Variants in MSRB3 observed in about 807,000 individuals in gnomAD.
MSRB3 encodes the protein methionine sulfoxide reductase B3.
In MSRB3, 13 loss-of-function variants were observed where a neutral mutation model predicts 21.0. That is an observed-to-expected ratio of 0.62 (90% confidence interval 0.40 to 0.98). The LOEUF is 0.98. Among genes scored for constraint, MSRB3 ranks in the 50% least tolerant of loss-of-function variants. The probability of loss-of-function intolerance (pLI) is 0.00; values close to 1 mark genes in which losing one functional copy is unlikely to be tolerated. For missense variants in MSRB3, 199 were observed against 230.3 expected (o/e 0.86, Z 0.88); for synonymous variants, 87 against 88.6 (o/e 0.98, Z 0.10).
At chr12:65,298,758 C>T (rs1164579042) in intron 1 of MSRB3, among the ~76,000 whole-genome samples, 1 of 152,024 alleles carries the variant, frequency 6.6e-6, no homozygotes, top group Non-Finnish European at 1.5e-5. Flanking sequence ...TTGTAATTTC[C>T]AGTGCTAAAA....
Position 65,419,464 on chromosome 12 carries a change from C to A in MSRB3, c.293-34264C>A, listed in dbSNP as rs1592619380. The A allele has an allele frequency of 1.5e-5, 11 of 745,134 alleles. No homozygotes were observed. In the East Asian group the frequency reaches 2.5e-4, roughly 17 times the overall value. The allele number at this position is 745,134 out of a possible 1,614,324, so 46.2% of individuals were successfully genotyped here. On this transcript the variant is annotated intron_variant, in intron 5 of 6. Coordinates refer to ENST00000308259, the MANE Select transcript of MSRB3 (RefSeq NM_001031679.3). ...GACACTGGTGTCATCAATGACCTTG[C>A]AGAGCCCATAGATGTCGCTCTCCAC...
intron 1 of MSRB3, among the ~76,000 whole-genome samples, chr12:65,303,021 C>CT (rs11301128): frequency 6.6e-5 from 10 of 151,196 alleles, no homozygotes; most frequent in African/African-American, 1.9e-4. Context: ...GGCTTTGAGC[C>CT]TTTTTTTTTG....
intron 5 of MSRB3, among the ~76,000 whole-genome samples, chr12:65,434,651 A>G (rs1298644469): frequency 6.6e-6 from 1 of 151,892 alleles, no homozygotes; most frequent in East Asian, 1.9e-4. Context: ...GGAGCTTGGC[A>G]TATGGATGCA....
intron 5 of MSRB3, among the ~76,000 whole-genome samples, chr12:65,391,636 T>G (rs1192695320): frequency 6.6e-6 from 1 of 152,204 alleles, no homozygotes; most frequent in Non-Finnish European, 1.5e-5. Context: ...GAATAGCTTG[T>G]TTTTCAAAAG....
chr12:65,453,986 G>T (rs1882977462), intron 6 of MSRB3, 161 bp downstream of exon 6: 2 of 711,288 alleles, frequency 2.8e-6, no homozygotes, highest in African/African-American at 3.5e-5. Flanking sequence ...TGTTTAGCAA[G>T]TCTAGTGGAA....
Position 65,427,799 on chromosome 12 carries a change from G to A in MSRB3, c.293-25929G>A, listed in dbSNP as rs570749512. 5.3e-5 allele frequency among the ~76,000 whole-genome samples: 8 copies of A among 152,340 alleles called. No individual in the cohort carries two copies. In the South Asian group the frequency reaches 1.7e-3, roughly 32 times the overall value. On this transcript the variant is annotated intron_variant, in intron 5 of 6. Coordinates refer to ENST00000308259, the MANE Select transcript of MSRB3 (RefSeq NM_001031679.3). ...TAGTTACAGTGGTTTTGGAGTCAGA[G>A]CAGGGCCTAGCTCACTGTGGTGGCT... is the stretch of plus-strand genomic sequence containing the variant.
At chr12:65,397,915 A>G (rs958441335) in intron 5 of MSRB3, among the ~76,000 whole-genome samples, 1 of 152,140 alleles carries the variant, frequency 6.6e-6, no homozygotes, top group Non-Finnish European at 1.5e-5. Context: ...AGCTTCATCC[A>G]TGTCCCTGCA....
At position 65,422,406 on chromosome 12, in the gene MSRB3, ATATATATATATATATATATATATATT is replaced by A. The variant is rs1288811278; in HGVS notation, c.293-31318_293-31293del. Among the ~76,000 whole-genome samples, 97 of 35,080 alleles carry A rather than the reference ATATATATATATATATATATATATATT, an allele frequency of 2.8e-3. 2 individuals are homozygous for A. Among genetic ancestry groups the A allele is most frequent in the African/African-American group, 6.9e-3 (91 of 13,148 alleles). The allele number at this position is 35,080 out of a possible 152,430, so 23.0% of individuals were successfully genotyped here. A position where few individuals can be genotyped will look rare whatever the true frequency, so the allele number is the denominator to read the frequency against. On this transcript the variant is annotated intron_variant, in intron 5 of 6. Coordinates refer to ENST00000308259, the MANE Select transcript of MSRB3 (RefSeq NM_001031679.3). ...GTACATAGTATATATATATATATATATATATATATATATATATATATATATTTATTTATTTATTTATGGGGTATATG... is the reference window on the plus strand; with the variant it reads ...GTACATAGTATATATATATATATATATATTTATTTATTTATGGGGTATATG...
chr12:65,412,232 A>C (rs1044111584), intron 5 of MSRB3, among the ~76,000 whole-genome samples: 1 of 139,624 alleles, frequency 7.2e-6, no homozygotes, highest in African/African-American at 3.4e-5. Context: ...GAAGCTATTA[A>C]AAAAATTAAG....
At chr12:65,325,083 A>T (rs1459302249) in intron 2 of MSRB3, among the ~76,000 whole-genome samples, 1 of 152,242 alleles carries the variant, frequency 6.6e-6, no homozygotes, top group Non-Finnish European at 1.5e-5. Context: ...TGAGAATAAA[A>T]TAATTTTTAA....
In MSRB3 at chr12:65,453,714, C is replaced by T. The variant is rs983441102; in HGVS notation, c.293-14C>T. ...CTCCTCTCTGCTTTGATTCTTGTGC[C>T]TGCTGTGTCCCAGGTTGGCCTTCAT... On this transcript the variant is annotated splice_polypyrimidine_tract_variant and intron_variant, in intron 5 of 6. Transcript: ENST00000308259. 5 of 1,602,474 alleles carry T rather than the reference C, an allele frequency of 3.1e-6. No homozygotes were observed. The African/African-American group carries it at 6.7e-5, about 21-fold the overall frequency.
intron 5 of MSRB3, among the ~76,000 whole-genome samples, chr12:65,434,551 A>G (rs1233559650): frequency 6.6e-6 from 1 of 151,900 alleles, no homozygotes; most frequent in African/African-American, 2.4e-5. Flanking sequence ...AACAGATGGG[A>G]CTTGAAAAAG....
At chr12:65,363,035 G>A (rs1309689670) in intron 4 of MSRB3, among the ~76,000 whole-genome samples, 1 of 152,156 alleles carries the variant, frequency 6.6e-6, no homozygotes, top group Non-Finnish European at 1.5e-5. Flanking sequence ...AATTCTTGCT[G>A]TAGAGTTGCC....
intron 1 of MSRB3, among the ~76,000 whole-genome samples, chr12:65,293,195 T>A (rs1012040416): frequency 3.3e-5 from 5 of 152,180 alleles, no homozygotes; most frequent in African/African-American, 1.2e-4. Context: ...TTTTTATTGA[T>A]CTCATGTCCT....
chr12:65,346,964 T>A (rs1041141951), intron 4 of MSRB3, among the ~76,000 whole-genome samples: 1 of 152,216 alleles, frequency 6.6e-6, no homozygotes, highest in Non-Finnish European at 1.5e-5. Flanking sequence ...TTGGTACCAG[T>A]GCCATGCTGT....
chr12:65,436,232 A>G (rs571926048), intron 5 of MSRB3, among the ~76,000 whole-genome samples: 55 of 151,994 alleles, frequency 3.6e-4, no homozygotes, highest in African/African-American at 1.3e-3. Flanking sequence ...AAGTACCTAT[A>G]AGTTTGTCAC....
chr12:65,430,051 C>T (rs1881803753), intron 5 of MSRB3, among the ~76,000 whole-genome samples: 1 of 152,068 alleles, frequency 6.6e-6, no homozygotes, highest in Non-Finnish European at 1.5e-5. Context: ...GAATTGCCTG[C>T]TTTCCTTCCT....
At chr12:65,284,128 A>G (rs1872203948) in intron 1 of MSRB3, 2 of 152,202 alleles carry the variant, frequency 1.3e-5, no homozygotes, top group African/African-American at 4.8e-5. Context: ...AAGTACAAAT[A>G]TGGAAAATTA....
intron 4 of MSRB3, among the ~76,000 whole-genome samples, chr12:65,350,942 C>T (rs1239300172): frequency 6.7e-6 from 1 of 148,240 alleles, no homozygotes; most frequent in Non-Finnish European, 1.5e-5. Flanking sequence ...GAATTGAACT[C>T]AGCTCTGCAC....
Sources: gnomAD v4.1 joint callset for allele counts (sites outside exome capture counted in the v4.1 genomes callset) on GRCh38, gnomAD v4.1.1 for gene constraint, MANE v1.5 for transcripts, NCBI Gene and HGNC (gene_info 2026-07-23, HGNC 2026-07-21) for gene names.